DDX10: variants seen among roughly 807,000 people sequenced by gnomAD.
The protein encoded by DDX10 is probable ATP-dependent RNA helicase DDX10.
In DDX10, 74 loss-of-function variants were observed where a neutral mutation model predicts 104.3. That is an observed-to-expected ratio of 0.71 (90% CI 0.59 to 0.86). The LOEUF (loss-of-function observed/expected upper bound fraction) is 0.86, where lower values mean the gene tolerates loss of function less well. Ranked by LOEUF, DDX10 falls within the 40% of genes least tolerant of loss-of-function variation. The pLI is 0.00. For synonymous variants in DDX10, 351 were observed against 353.4 expected (o/e 0.99, Z 0.08); for missense variants, 952 against 1,040.0 (o/e 0.92, Z 1.16).
At chr11:108,794,107 C>T (rs1442514120) in intron 13 of DDX10, among the ~76,000 whole-genome samples, 1 of 152,146 alleles carries the variant, frequency 6.6e-6, no homozygotes, top group African/African-American at 2.4e-5. Context: ...GATTCCATAT[C>T]TCTGCTATTG....
intron 15 of DDX10, among the ~76,000 whole-genome samples, chr11:108,846,721 C>T (rs1477505250): frequency 2.0e-5 from 3 of 152,096 alleles, no homozygotes; most frequent in South Asian, 4.2e-4. Flanking sequence ...TTGTGAATAA[C>T]GTTGCAATAA....
chr11:108,932,231 T>C (rs553845626), intron 17 of DDX10, among the ~76,000 whole-genome samples: 7 of 152,104 alleles, frequency 4.6e-5, no homozygotes, highest in African/African-American at 1.7e-4. Flanking sequence ...CCAACAGGTA[T>C]AGTTCGCTGA....
At chr11:108,755,938 TTCTCTCTC>T (rs914600567) in intron 13 of DDX10, among the ~76,000 whole-genome samples, 1 of 150,984 alleles carries the variant, frequency 6.6e-6, no homozygotes, top group Admixed American at 6.6e-5. Context: ...GCCTTTTTCT[TTCTCTCTC>T]TCTCTCTTTC....
chr11:108,873,307 A>T (rs1040479848), intron 16 of DDX10, among the ~76,000 whole-genome samples: 3 of 152,286 alleles, frequency 2.0e-5, no homozygotes, highest in East Asian at 3.9e-4. Flanking sequence ...AAGTAGGATG[A>T]TATTTATCAA....
intron 9 of DDX10, among the ~76,000 whole-genome samples, chr11:108,702,367 CTTTTT>C (rs2094269609): frequency 6.6e-6 from 1 of 152,026 alleles, no homozygotes; most frequent in Non-Finnish European, 1.5e-5. Context: ...TCTAAATAAA[CTTTTT>C]GTAACCTAAC....
intron 10 of DDX10, among the ~76,000 whole-genome samples, chr11:108,714,966 C>T (rs1052843098): frequency 6.4e-5 from 9 of 140,196 alleles, no homozygotes; most frequent in African/African-American, 2.2e-4. Context: ...CTACCACCAC[C>T]TATCACCATT....
At chr11:108,938,646 A>C (rs572327272) in intron 17 of DDX10, among the ~76,000 whole-genome samples, 1 of 152,060 alleles carries the variant, frequency 6.6e-6, no homozygotes, top group African/African-American at 2.4e-5. Context: ...ATCACAGGGA[A>C]CTCTTTCATG....
At chr11:108,698,776 A>G (rs962159803) in intron 9 of DDX10, among the ~76,000 whole-genome samples, 4 of 151,978 alleles carry the variant, frequency 2.6e-5, no homozygotes, top group African/African-American at 4.8e-5. Flanking sequence ...AAAGCCAATG[A>G]CCCCCTGGGC....
At position 108,918,024 on chromosome 11, in the gene DDX10, T is replaced by C. The variant is rs749059376; in HGVS notation, c.2450+6T>C. 39 of 1,611,586 alleles carry C rather than the reference T, an allele frequency of 2.4e-5. No homozygotes were observed. Among genetic ancestry groups the C allele is most frequent in the Non-Finnish European group, 3.1e-5 (37 of 1,178,036 alleles). ...GATATGGAAAATAAAATAAGGTATGTTTTTACTATGGGTATGAAATACATA... is the reference window on the plus strand; with the variant it reads ...GATATGGAAAATAAAATAAGGTATGCTTTTACTATGGGTATGAAATACATA... On this transcript the variant is annotated splice_donor_region_variant and intron_variant, in intron 17 of 17. Coordinates refer to ENST00000322536, the MANE Select transcript of DDX10 (RefSeq NM_004398.4).
chr11:108,723,605 A>T, intron 13 of DDX10, 143 bp downstream of exon 13: 1 of 777,720 alleles, frequency 1.3e-6, no homozygotes, highest in Non-Finnish European at 2.0e-6. Context: ...TTTCCCCCAT[A>T]CTTAAACACA....
chr11:108,774,450 G>A (rs1268996888), intron 13 of DDX10, among the ~76,000 whole-genome samples: 1 of 152,032 alleles, frequency 6.6e-6, no homozygotes, highest in Non-Finnish European at 1.5e-5. Context: ...AAAATTTATC[G>A]CTTGCTGGAG....
chr11:108,927,256 C>T (rs931364157), intron 17 of DDX10, among the ~76,000 whole-genome samples: 4 of 152,184 alleles, frequency 2.6e-5, no homozygotes, highest in African/African-American at 9.7e-5. Flanking sequence ...TGTGAAATTT[C>T]TGAATAGGCT....
chr11:108,876,085 A>G (rs1863150525), intron 16 of DDX10, among the ~76,000 whole-genome samples: 1 of 152,232 alleles, frequency 6.6e-6, no homozygotes, highest in Non-Finnish European at 1.5e-5. Context: ...TTTAAGAAAT[A>G]TTAGGTCGAA....
At chr11:108,928,220 T>C (rs769638970) in intron 17 of DDX10, among the ~76,000 whole-genome samples, 15 of 152,260 alleles carry the variant, frequency 9.9e-5, no homozygotes, top group Middle Eastern at 3.4e-3. Context: ...AATTAAAAAT[T>C]CAAGTGGAAT....
chr11:108,793,783 T>C (rs1051192992), intron 13 of DDX10, among the ~76,000 whole-genome samples: 2 of 152,154 alleles, frequency 1.3e-5, no homozygotes, highest in Non-Finnish European at 2.9e-5. Context: ...CGTATGTTTG[T>C]ACCCATTAAC....
intron 16 of DDX10, among the ~76,000 whole-genome samples, chr11:108,876,047 GA>G (rs1344646153): frequency 6.6e-6 from 1 of 152,190 alleles, no homozygotes; most frequent in South Asian, 2.1e-4. Context: ...ATGTTAGGTT[GA>G]ATCTTTGAAA....
At chr11:108,809,906 C>T (rs2134566800) in intron 13 of DDX10, among the ~76,000 whole-genome samples, 1 of 152,276 alleles carries the variant, frequency 6.6e-6, no homozygotes, top group South Asian at 2.1e-4. Flanking sequence ...GTTTTATACA[C>T]CAATAATGAA....
At chr11:108,858,059 A>G (rs183233811) in intron 16 of DDX10, among the ~76,000 whole-genome samples, 1 of 152,378 alleles carries the variant, frequency 6.6e-6, no homozygotes, top group East Asian at 1.9e-4. Flanking sequence ...ATGAAAAATT[A>G]GGAAACATTT....
At chr11:108,865,928 A>G (rs1413777820) in intron 16 of DDX10, among the ~76,000 whole-genome samples, 3 of 152,084 alleles carry the variant, frequency 2.0e-5, no homozygotes, top group African/African-American at 7.2e-5. Flanking sequence ...GAATCCAAAG[A>G]AAAAAAATAA....
Sources: gnomAD v4.1 joint callset for allele counts (sites outside exome capture counted in the v4.1 genomes callset) on GRCh38, gnomAD v4.1.1 for gene constraint, MANE v1.5 for transcripts, NCBI Gene and HGNC (gene_info 2026-07-23, HGNC 2026-07-21) for gene names.